The following PDE3B variants were observed in gnomAD, a reference collection of about 807,000 sequenced individuals.
PDE3B encodes the protein phosphodiesterase 3B, also known as cGMP-inhibited 3',5'-cyclic phosphodiesterase 3B.
A neutral mutation model predicts 116.8 loss-of-function variants in PDE3B; 66 were observed. The observed-to-expected ratio is 0.56, with a 90% CI of 0.46 to 0.69. The LOEUF (loss-of-function observed/expected upper bound fraction) is 0.69. Ranked by LOEUF, PDE3B falls within the 30% of genes least tolerant of loss-of-function variation. PDE3B has a pLI of 0.00. For missense variants in PDE3B, 1,384 were observed against 1,368.1 expected (o/e 1.01, Z -0.18); for synonymous variants, 595 against 533.6 (o/e 1.12, Z -1.59).
At chr11:14,880,737 C>T in the PDE3B span, 1 of 1,606,748 alleles carries the variant, frequency 6.2e-7, no homozygotes, top group Non-Finnish European at 8.5e-7. Context: ...TGTGATCAAC[C>T]CATCCTCGGC....
At chr11:14,736,666 G>T (rs1413322182) in intron 1 of PDE3B, among the ~76,000 whole-genome samples, 1 of 152,168 alleles carries the variant, frequency 6.6e-6, no homozygotes, top group South Asian at 2.1e-4. Flanking sequence ...AAGGAGATTA[G>T]CAAACAGACT....
chr11:14,714,941 ATCTTAAATAT>A (rs200600277), intron 1 of PDE3B, among the ~76,000 whole-genome samples: 1,806 of 152,264 alleles, frequency 0.012, 22 homozygotes, highest in Non-Finnish European at 0.017. Flanking sequence ...AAAATATAAT[ATCTTAAATAT>A]TCTTAAATAT....
intron 5 of PDE3B, among the ~76,000 whole-genome samples, chr11:14,813,184 A>G (rs1315606231): frequency 6.6e-6 from 1 of 152,220 alleles, no homozygotes; most frequent in African/African-American, 2.4e-5. Context: ...TACTGTATCA[A>G]ATTACCATAT....
Position 14,837,992 on chromosome 11 carries a change from T to G in PDE3B, c.2320+2897T>G, listed in dbSNP as rs180757488. 1.8e-3 allele frequency among the ~76,000 whole-genome samples: 279 copies of G among 152,076 alleles called. 1 individual carries two copies. The highest frequency in any genetic ancestry group is 6.4e-3 in the African/African-American group (264 of 41,526). The stretch of plus-strand genomic sequence containing the variant: ...TTTTAATTTATTTTATTTTATTTTT[T>G]TTTTGAGACGGAGTCTCACTTTGTC... On this transcript the variant is annotated intron_variant, in intron 11 of 15. Coordinates refer to ENST00000282096, the MANE Select transcript of PDE3B (RefSeq NM_000922.4).
At chr11:14,795,898 T>G (rs1858536964) in intron 4 of PDE3B, among the ~76,000 whole-genome samples, 1 of 152,164 alleles carries the variant, frequency 6.6e-6, no homozygotes, top group South Asian at 2.1e-4. Context: ...CATTATACTT[T>G]CAGTTCTGGG....
chr11:14,801,050 G>A (rs374171035), intron 4 of PDE3B, among the ~76,000 whole-genome samples: 6 of 151,968 alleles, frequency 3.9e-5, no homozygotes, highest in Middle Eastern at 6.8e-3. Context: ...TTAGCAATTC[G>A]TCTGACCTTT....
intron 10 of PDE3B, among the ~76,000 whole-genome samples, chr11:14,834,146 T>C (rs562144891): frequency 6.6e-6 from 1 of 152,324 alleles, no homozygotes; most frequent in African/African-American, 2.4e-5. Context: ...AAGTTCCCAG[T>C]GTACGCCATG....
intron 2 of PDE3B, among the ~76,000 whole-genome samples, chr11:14,783,666 A>C (rs917155001): frequency 1.3e-5 from 2 of 152,094 alleles, no homozygotes; most frequent in African/African-American, 4.8e-5. Flanking sequence ...GATGTAAATG[A>C]GGAGTTGATG....
chr11:14,668,797 A>C (rs1854270832), intron 1 of PDE3B, among the ~76,000 whole-genome samples: 1 of 152,190 alleles, frequency 6.6e-6, no homozygotes, highest in South Asian at 2.1e-4. Flanking sequence ...TGGTCTTGGC[A>C]AAAGATAACA....
chr11:14,711,583 C>T (rs1259469327), intron 1 of PDE3B, among the ~76,000 whole-genome samples: 3 of 151,986 alleles, frequency 2.0e-5, no homozygotes, highest in Non-Finnish European at 4.4e-5. Context: ...GAGTCTGGTG[C>T]GGGAGGTGCC....
chr11:14,796,895 T>C (rs1286858157), intron 4 of PDE3B, among the ~76,000 whole-genome samples: 3 of 152,232 alleles, frequency 2.0e-5, no homozygotes, highest in African/African-American at 4.8e-5. Context: ...ATGTTGCCTT[T>C]TGTTGCCATT....
intron 2 of PDE3B, chr11:14,772,729 A>G (rs1857681343): frequency 6.6e-6 from 1 of 151,972 alleles, no homozygotes; most frequent in South Asian, 2.1e-4. Flanking sequence ...ATAAAATGAA[A>G]ATAGAAGTAT....
chr11:14,750,637 G>C (rs1336428876), intron 1 of PDE3B, among the ~76,000 whole-genome samples: 21 of 151,890 alleles, frequency 1.4e-4, no homozygotes, highest in Admixed American at 1.2e-3. Context: ...GGTTTTCTCT[G>C]TTTTCTTATG....
In PDE3B at chr11:14,840,254, G is replaced by A. The variant is rs11023351; in HGVS notation, c.2321-3573G>A. On this transcript the variant is annotated intron_variant, in intron 11 of 15. Coordinates refer to ENST00000282096, the MANE Select transcript of PDE3B (RefSeq NM_000922.4). ...TACATGGAGTTTTGAAACAAAACCA[G>A]GCAGCTTTCCTCAAATAATTATTTT... Among the ~76,000 whole-genome samples, 135 of 152,258 alleles carry A rather than the reference G, an allele frequency of 8.9e-4. 3 individuals are homozygous for A. In the East Asian group the frequency reaches 0.024, roughly 27 times the overall value.
intron 1 of PDE3B, among the ~76,000 whole-genome samples, chr11:14,660,113 C>T (rs1853845602): frequency 6.6e-6 from 1 of 152,108 alleles, no homozygotes; most frequent in Non-Finnish European, 1.5e-5. Flanking sequence ...GAAATTAATT[C>T]CAGACTTGGC....
chr11:14,887,351 C>T, the PDE3B span: 5 of 152,576 alleles, frequency 3.3e-5, no homozygotes, highest in African/African-American at 9.7e-5. Context: ...ACACAATCCA[C>T]CTTTACTCAA....
At chr11:14,819,352 C>A in intron 7 of PDE3B, 143 bp downstream of exon 7, 1 of 531,772 alleles carries the variant, frequency 1.9e-6, no homozygotes, top group Non-Finnish European at 3.5e-6. Context: ...TCACAGAGGA[C>A]TTATTTAGAA....
intron 1 of PDE3B, among the ~76,000 whole-genome samples, chr11:14,751,522 A>G (rs1857055338): frequency 6.6e-6 from 1 of 152,062 alleles, no homozygotes; most frequent in African/African-American, 2.4e-5. Flanking sequence ...ATTCCTTAAA[A>G]CTTGTTTGTA....
At chr11:14,824,758 C>T (rs768818730) in intron 7 of PDE3B, among the ~76,000 whole-genome samples, 21 of 152,302 alleles carry the variant, frequency 1.4e-4, no homozygotes, top group Admixed American at 2.0e-4. Flanking sequence ...GAGAGGCCAA[C>T]ACCCAAACTC....
Sources: allele counts gnomAD v4.1 joint callset (sites outside exome capture counted in the v4.1 genomes callset), GRCh38; gene constraint gnomAD v4.1.1; transcripts MANE v1.5; gene names NCBI Gene and HGNC (gene_info 2026-07-23, HGNC 2026-07-21).